C6: variants seen among roughly 807,000 people sequenced by gnomAD.
C6 encodes the protein complement component C6.
A neutral mutation model predicts 112.9 loss-of-function variants in C6; 101 were observed. The ratio of observed to expected loss-of-function variants is 0.89; its 90% CI spans 0.76 to 1.06. The LOEUF (loss-of-function observed/expected upper bound fraction) is 1.06, where lower values mean the gene tolerates loss of function less well. Among genes scored for constraint, C6 ranks in the 50% least tolerant of loss-of-function variants. The pLI is 0.00. For synonymous variants in C6, 431 were observed against 384.1 expected, an observed-to-expected ratio of 1.12 and a Z score of -1.43; for missense variants, 1,202 against 1,104.6, an observed-to-expected ratio of 1.09 and a Z score of -1.25.
At chr5:41,201,919 A>G (rs942152819) in intron 2 of C6, among the ~76,000 whole-genome samples, 6 of 152,074 alleles carry the variant, frequency 3.9e-5, no homozygotes, top group Non-Finnish European at 7.3e-5. Flanking sequence ...ATAAAATGAA[A>G]ATGGGAAACC....
intron 6 of C6, among the ~76,000 whole-genome samples, chr5:41,185,555 A>G (rs1364959681): frequency 1.3e-5 from 2 of 152,216 alleles, no homozygotes; most frequent in Non-Finnish European, 2.9e-5. Flanking sequence ...TGCTCATTAT[A>G]ATTTACTAAA....
chr5:41,196,486 T>G (rs1750631169), intron 4 of C6, among the ~76,000 whole-genome samples: 1 of 151,934 alleles, frequency 6.6e-6, no homozygotes, highest in South Asian at 2.1e-4. Context: ...GGGAGCTTTT[T>G]GGGTTTATGG....
intron 15 of C6, among the ~76,000 whole-genome samples, chr5:41,153,579 C>A (rs59070453): frequency 2.6e-5 from 4 of 152,190 alleles, no homozygotes; most frequent in Non-Finnish European, 1.5e-5. Flanking sequence ...TTAACTTTCT[C>A]CCTTTCTTTC....
At chr5:41,209,339 C>G (rs969538858) in intron 1 of C6, among the ~76,000 whole-genome samples, 1 of 152,180 alleles carries the variant, frequency 6.6e-6, no homozygotes, top group African/African-American at 2.4e-5. Flanking sequence ...TTCACCACCC[C>G]TATTCAACAT....
chr5:41,158,416 C>T (rs1419290631), intron 13 of C6, among the ~76,000 whole-genome samples: 1 of 152,120 alleles, frequency 6.6e-6, no homozygotes, highest in Non-Finnish European at 1.5e-5. Context: ...TCATACAATC[C>T]TATATTATAC....
intron 1 of C6, among the ~76,000 whole-genome samples, chr5:41,234,813 G>T (rs917893756): frequency 3.3e-5 from 5 of 152,074 alleles, no homozygotes; most frequent in Non-Finnish European, 5.9e-5. Context: ...TAATGCCAAG[G>T]TGATAAAATA....
intron 1 of C6, among the ~76,000 whole-genome samples, chr5:41,204,159 T>C (rs1287807372): frequency 1.3e-5 from 2 of 152,350 alleles, no homozygotes; most frequent in East Asian, 3.9e-4. Flanking sequence ...CTGTAATTAA[T>C]ATAGTAGTAA....
intron 1 of C6, among the ~76,000 whole-genome samples, chr5:41,238,410 T>G (rs1472194169): frequency 1.3e-5 from 2 of 152,128 alleles, no homozygotes; most frequent in Non-Finnish European, 2.9e-5. Context: ...AACAGAGCCT[T>G]CAGAAATAAT....
rs1745458116 is a variant in C6, at chr5:41,142,700, A to G, written c.*125T>C. 32 of 788,762 alleles carry G rather than the reference A, an allele frequency of 4.1e-5. No individual in the cohort carries two copies. The East Asian group carries it at 8.2e-4, about 20-fold the overall frequency. 48.9% of individuals were successfully genotyped at this position (788,762 alleles called of 1,614,324 possible). A position where few individuals can be genotyped will look rare whatever the true frequency, so the allele number is the denominator to read the frequency against. On this transcript the variant is annotated 3_prime_UTR_variant, in exon 18 of 18. Transcript: ENST00000337836. ...GAGAATAATGATCTCAAACTAACAG[A>G]AAATAATTTTTGTCAGTAACTTTGA...
At chr5:41,208,467 C>T (rs1370666910) in intron 1 of C6, among the ~76,000 whole-genome samples, 3 of 151,974 alleles carry the variant, frequency 2.0e-5, no homozygotes, top group Non-Finnish European at 2.9e-5. Context: ...AACTGATAGA[C>T]CACCAGCAAG....
chr5:41,168,210 G>T (rs73753106), intron 9 of C6, among the ~76,000 whole-genome samples: 3,313 of 152,204 alleles, frequency 0.022, 128 homozygotes, highest in African/African-American at 0.075. Flanking sequence ...TTTTAAAAAA[G>T]AAATGTACAC....
intron 5 of C6, among the ~76,000 whole-genome samples, chr5:41,187,044 C>T (rs1444138946): frequency 6.6e-6 from 1 of 152,084 alleles, no homozygotes. Context: ...TTATAAAAAT[C>T]GTTTTCTACA....
rs79303133 is a variant in C6, at chr5:41,171,450, T to C, written c.1291+775A>G. Among the ~76,000 whole-genome samples the C allele has an allele frequency of 9.0e-3, 1,363 of 152,284 alleles. 26 individuals are homozygous for C. The highest frequency in any genetic ancestry group is 0.03 in the African/African-American group (1,248 of 41,560). On this transcript the variant is annotated intron_variant, in intron 9 of 17. Transcript: ENST00000337836. ...AATGTAAAGGCTATGCTATTAGATA[T>C]GAGTGAGAACCAACAGCAGCAGGGA...
chr5:41,212,843 A>G (rs2150395775), intron 1 of C6: 1 of 152,264 alleles, frequency 6.6e-6, no homozygotes, highest in African/African-American at 2.4e-5. Flanking sequence ...TCTTATTCTA[A>G]CCTGTCACTT....
At chr5:41,200,432 A>G (rs1750924873) in intron 3 of C6, among the ~76,000 whole-genome samples, 1 of 152,180 alleles carries the variant, frequency 6.6e-6, no homozygotes, top group Non-Finnish European at 1.5e-5. Flanking sequence ...GATAGGACTA[A>G]AAAGTACTGA....
chr5:41,215,009 A>G (rs1580212151), upstream of C6, among the ~76,000 whole-genome samples: 1 of 152,236 alleles, frequency 6.6e-6, no homozygotes, highest in East Asian at 1.9e-4. Flanking sequence ...ACCAACTAAG[A>G]ATCTAGAATC....
chr5:41,223,649 A>C (rs1218123303), intron 1 of C6, among the ~76,000 whole-genome samples: 1 of 152,198 alleles, frequency 6.6e-6, no homozygotes, highest in Non-Finnish European at 1.5e-5. Flanking sequence ...GCTTAGATGT[A>C]TGAAAGATAG....
At position 41,161,915 on chromosome 5, in the gene C6, A is replaced by G. The variant is rs1341362888; in HGVS notation, c.1292-56T>C. The G allele has an allele frequency of 1.7e-5, 27 of 1,558,582 alleles. No individual in the cohort carries two copies. The Middle Eastern group carries it at 6.7e-4, about 39-fold the overall frequency. ...TAATTTTAGTGCAAATTCCTATTCT[A>G]AAACAAACAAACAAAAACCTATTTG... On this transcript the variant is annotated intron_variant, in intron 9 of 17. Transcript: ENST00000337836.
In C6 at chr5:41,172,274, T is replaced by C; in HGVS notation, c.1242A>G (p.Thr414=). Residue 414 remains threonine (T), a synonymous_variant, in exon 9 of 18, where the codon ACA becomes ACG. Coordinates refer to ENST00000337836, the MANE Select transcript of C6 (RefSeq NM_000065.5). The part of the protein sequence containing the change: ...TKKRVLFAKK[T]KVEHRCTTNK... ...TGGTGGTGCACCTATGTTCCACTTT[T>C]GTTTTCTTAGCAAATAAAACGCGTT... The C allele has an allele frequency of 6.2e-7, 1 of 1,613,740 alleles. No homozygotes were observed. Among genetic ancestry groups the C allele is most frequent in the South Asian group, 1.1e-5 (1 of 91,088 alleles).
Sources: gnomAD v4.1 joint callset for allele counts (sites outside exome capture counted in the v4.1 genomes callset) on GRCh38, gnomAD v4.1.1 for gene constraint, MANE v1.5 for transcripts, NCBI Gene and HGNC (gene_info 2026-07-23, HGNC 2026-07-21) for gene names.